Variants in MAD1L1 observed in about 807,000 individuals in gnomAD.
MAD1L1 encodes mitotic arrest deficient 1 like 1, also known as mitotic spindle assembly checkpoint protein MAD1.
A neutral mutation model predicts 96.9 loss-of-function variants in MAD1L1; 95 were observed. That is an observed-to-expected ratio of 0.98 (90% CI 0.83 to 1.16). The LOEUF (loss-of-function observed/expected upper bound fraction) is 1.16. Ranked by LOEUF, MAD1L1 falls within the 50% of genes most tolerant of loss-of-function variation. The probability of loss-of-function intolerance (pLI) is 0.00; values close to 1 mark genes in which losing one functional copy is unlikely to be tolerated. For missense variants in MAD1L1, 1,007 were observed against 954.4 expected (o/e 1.06, Z -0.73); for synonymous variants, 473 against 396.6 (o/e 1.19, Z -2.29).
chr7:1,876,088 G>A (rs1198790907), intron 18 of MAD1L1, among the ~76,000 whole-genome samples: 1 of 152,140 alleles, frequency 6.6e-6, no homozygotes, highest in Non-Finnish European at 1.5e-5. Flanking sequence ...GGGGCTCTGT[G>A]ACGGCAACCC....
At position 1,933,065 on chromosome 7, in the gene MAD1L1, G is replaced by A. The variant is rs1030876373; in HGVS notation, c.1807+3622C>T. Among the ~76,000 whole-genome samples, 4 of 152,298 alleles carry A rather than the reference G, an allele frequency of 2.6e-5. No individual in the cohort carries two copies. The South Asian group carries it at 8.3e-4, about 32-fold the overall frequency. On this transcript the variant is annotated intron_variant, in intron 17 of 18. Coordinates refer to ENST00000265854, the MANE Select transcript of MAD1L1 (RefSeq NM_001013836.2). ...TGAGGAGATCCAGGAGACAGTTTTT[G>A]GAGATTTTCTTTGCTGGGACAGTGG...
rs572947219 is a variant in MAD1L1, at chr7:2,103,952, T to C, written c.1074-34614A>G. 3.3e-5 allele frequency among the ~76,000 whole-genome samples: 5 copies of C among 152,258 alleles called. No individual in the cohort carries two copies. Among genetic ancestry groups the C allele is most frequent in the East Asian group, 1.9e-4 (1 of 5,180 alleles). On this transcript the variant is annotated intron_variant, in intron 11 of 18. Transcript: ENST00000265854. The surrounding 1 kb of genome is among the most constrained non-coding windows in gnomAD (Gnocchi z 4.3). ...TCGGAGAAAGAGGCCCCCAGACACA[T>C]GGCAGAGAATCAAATATGCAGCCGG... is the stretch of plus-strand genomic sequence containing the variant.
chr7:2,179,404 T>G lies in MAD1L1; in HGVS notation c.987-30166A>C, dbSNP rs180927445. 7.6e-3 allele frequency among the ~76,000 whole-genome samples: 1,155 copies of G among 152,038 alleles called. 10 individuals carry two copies. Among genetic ancestry groups the G allele is most frequent in the Middle Eastern group, 0.014 (4 of 292 alleles). ...TTAGCCGGGCATGGTGGCGCATGCC[T>G]GTAATCCCAGCCACTCAGGAGGCTG... On this transcript the variant is annotated intron_variant, in intron 10 of 18. Transcript: ENST00000265854.
chr7:1,881,827 G>A (rs1785698530), intron 18 of MAD1L1, among the ~76,000 whole-genome samples: 1 of 152,210 alleles, frequency 6.6e-6, no homozygotes, highest in Admixed American at 6.5e-5. Flanking sequence ...CAGGTGACGG[G>A]TGATGAGCCA....
At chr7:1,824,660 G>A (rs1376194011) in intron 18 of MAD1L1, among the ~76,000 whole-genome samples, 1 of 152,202 alleles carries the variant, frequency 6.6e-6, no homozygotes, top group Admixed American at 6.5e-5. Context: ...GAGGAGAGGG[G>A]CGTGCCTGGA....
intron 12 of MAD1L1, among the ~76,000 whole-genome samples, chr7:2,015,848 T>G (rs1782515944): frequency 2.0e-5 from 3 of 152,202 alleles, no homozygotes; most frequent in Admixed American, 2.0e-4. Flanking sequence ...GGCCTGGGAA[T>G]CTGCCCTTCT....
At chr7:1,906,907 TGTGC>T (rs1452639874) in intron 17 of MAD1L1, among the ~76,000 whole-genome samples, 1 of 152,190 alleles carries the variant, frequency 6.6e-6, no homozygotes, top group Admixed American at 6.5e-5. Flanking sequence ...CCCGAACACG[TGTGC>T]GTCTGTCCCT....
rs977722352 is a variant in MAD1L1 at position 1,815,942 on chromosome 7, T to A, written c.*128A>T. On this transcript the variant is annotated 3_prime_UTR_variant, in exon 19 of 19. Transcript: ENST00000265854. ...AGCCCGACGTAGGTCCCAGCGTGTC[T>A]GTCAGTCATGCTGCTGCCCTGTGGG... 8.4e-5 allele frequency: 96 copies of A among 1,141,260 alleles called. No homozygotes were observed. The highest frequency in any genetic ancestry group is 1.1e-4 in the Non-Finnish European group (93 of 827,728). The allele number at this position is 1,141,260 out of a possible 1,614,324, so 70.7% of individuals were successfully genotyped here.
At chr7:1,837,367 T>C (rs759615978) in intron 18 of MAD1L1, among the ~76,000 whole-genome samples, 5 of 152,194 alleles carry the variant, frequency 3.3e-5, no homozygotes, top group Admixed American at 6.5e-5. Flanking sequence ...GAATGGAAAA[T>C]GGTGCAGGCA....
intron 7 of MAD1L1, 103 bp from the exon 8 acceptor site, chr7:2,216,390 G>T: frequency 1.7e-6 from 2 of 1,194,086 alleles, no homozygotes; most frequent in Non-Finnish European, 2.3e-6. Flanking sequence ...GTCTGCAACG[G>T]CTATACACAC....
chr7:2,221,628 G>A (rs1286488976), intron 5 of MAD1L1, among the ~76,000 whole-genome samples: 2 of 152,154 alleles, frequency 1.3e-5, no homozygotes, highest in Non-Finnish European at 2.9e-5. Context: ...GCCCATGTCT[G>A]GGCTGTTTCT....
intron 17 of MAD1L1, among the ~76,000 whole-genome samples, chr7:1,928,863 T>C (rs560942489): frequency 6.6e-6 from 1 of 152,290 alleles, no homozygotes; most frequent in African/African-American, 2.4e-5. Context: ...CTCTCCACAG[T>C]GCTTGTCCTG....
intron 9 of MAD1L1, among the ~76,000 whole-genome samples, chr7:2,214,941 A>G (rs992811103): frequency 2.6e-5 from 4 of 152,096 alleles, no homozygotes; most frequent in African/African-American, 9.7e-5. Context: ...GCTTCAAACA[A>G]CACAAATTGG....
At chr7:2,012,963 C>A (rs1584078627) in intron 13 of MAD1L1, among the ~76,000 whole-genome samples, 1 of 152,256 alleles carries the variant, frequency 6.6e-6, no homozygotes, top group African/African-American at 2.4e-5. Context: ...CCCTGAACAG[C>A]TGCTGGGACG....
intron 12 of MAD1L1, among the ~76,000 whole-genome samples, chr7:2,045,668 T>C (rs1039045437): frequency 2.0e-5 from 3 of 151,126 alleles, no homozygotes; most frequent in Admixed American, 2.0e-4. Context: ...GACAGTCGCT[T>C]AGTGGGATTT....
chr7:1,972,077 C>G (rs1483957451), intron 15 of MAD1L1, among the ~76,000 whole-genome samples: 4 of 152,194 alleles, frequency 2.6e-5, no homozygotes, highest in Admixed American at 6.5e-5. Context: ...CCAGAGACTG[C>G]TCGCCTGCCG....
chr7:2,005,442 C>T (rs1781990840), intron 13 of MAD1L1, among the ~76,000 whole-genome samples: 1 of 152,128 alleles, frequency 6.6e-6, no homozygotes, highest in African/African-American at 2.4e-5. Context: ...TCCATTAAAA[C>T]ATATACTCTA....
chr7:1,857,953 G>T (rs529118548), intron 18 of MAD1L1, among the ~76,000 whole-genome samples: 1 of 152,322 alleles, frequency 6.6e-6, no homozygotes, highest in Admixed American at 6.5e-5. Context: ...CGTCCCCAGG[G>T]CCGAGTCCCT....
intron 17 of MAD1L1, among the ~76,000 whole-genome samples, chr7:1,918,169 G>C (rs10251527): frequency 6.6e-6 from 1 of 152,084 alleles, no homozygotes; most frequent in African/African-American, 2.4e-5. Flanking sequence ...GAATGCCTCC[G>C]AGGCTCTGTG....
Sources: gnomAD v4.1 joint callset for allele counts (sites outside exome capture counted in the v4.1 genomes callset) on GRCh38, gnomAD v4.1.1 for gene constraint, Gnocchi (gnomAD v3.1) non-coding constraint, MANE v1.5 for transcripts, NCBI Gene and HGNC (gene_info 2026-07-23, HGNC 2026-07-21) for gene names.